Variants in CSMD2 observed in about 807,000 individuals in gnomAD.
CSMD2 encodes the protein CUB and sushi domain-containing protein 2.
Under a neutral mutation model 398.5 loss-of-function variants are expected in CSMD2, and 130 were observed. The observed-to-expected ratio is 0.33, with a 90% CI of 0.28 to 0.38. The LOEUF (loss-of-function observed/expected upper bound fraction) is 0.38, where lower values mean the gene tolerates loss of function less well. Among genes scored for constraint, CSMD2 ranks in the 10% least tolerant of loss-of-function variants. The pLI is 1.00. For missense variants in CSMD2, 3,829 were observed against 4,764.9 expected, an observed-to-expected ratio of 0.80 and a Z score of 5.78; for synonymous variants, 1,828 against 1,908.5, an observed-to-expected ratio of 0.96 and a Z score of 1.10.
At chr1:34,155,824 T>C (rs1640761181) in intron 1 of CSMD2, among the ~76,000 whole-genome samples, 1 of 152,266 alleles carries the variant, frequency 6.6e-6, no homozygotes, top group Non-Finnish European at 1.5e-5. Flanking sequence ...TTTGGACGCT[T>C]CTTTTTTAAA....
At chr1:33,678,546 C>T (rs372305384) in intron 25 of CSMD2, among the ~76,000 whole-genome samples, 54 of 152,140 alleles carry the variant, frequency 3.5e-4, no homozygotes, top group African/African-American at 1.2e-3. Context: ...TGAACAGCTG[C>T]TGCAGGGGGA....
At chr1:34,092,689 C>A (rs1349548548) in intron 1 of CSMD2, among the ~76,000 whole-genome samples, 2 of 152,196 alleles carry the variant, frequency 1.3e-5, no homozygotes, top group Admixed American at 6.5e-5. Flanking sequence ...CCGAATACTG[C>A]GCTTTTCCGA....
chr1:33,583,799 G>C lies in CSMD2; in HGVS notation c.7083C>G (p.Asp2361Glu), dbSNP rs532945313. The change falls in exon 47 of 71, where the codon GAC becomes GAG. Residue 2361 changes from aspartate to glutamate, a missense_variant. Asp to Glu is a conservative substitution (Grantham distance 45, BLOSUM62 2). Transcript: ENST00000373381. ...VHCPTNELLT[D>E]STGVILSQSY... Reference sequence around the variant, plus strand: ...TCTGGCTCAGGATCACGCCTGTGGAGTCTGTCAGAAGCTCATTTGTTGGAC... The same window carrying C: ...TCTGGCTCAGGATCACGCCTGTGGACTCTGTCAGAAGCTCATTTGTTGGAC... 82 of 1,614,174 alleles carry C rather than the reference G, an allele frequency of 5.1e-5. 1 individual carries two copies. In the South Asian group the frequency reaches 8.5e-4, roughly 17 times the overall value.
intron 4 of CSMD2, among the ~76,000 whole-genome samples, chr1:33,934,876 T>C (rs1263977030): frequency 1.4e-5 from 2 of 147,286 alleles, no homozygotes; most frequent in Non-Finnish European, 3.0e-5. Context: ...TGGTGGCACA[T>C]GCCTGCGGTC....
At chr1:34,160,550 T>A (rs1641239209) in intron 1 of CSMD2, among the ~76,000 whole-genome samples, 1 of 152,180 alleles carries the variant, frequency 6.6e-6, no homozygotes, top group African/African-American at 2.4e-5. Flanking sequence ...CCCGATTTAG[T>A]CTTATCAGTC....
intron 23 of CSMD2, among the ~76,000 whole-genome samples, chr1:33,700,010 A>ATTTTTTTTTTT (rs5773425): frequency 6.7e-6 from 1 of 148,390 alleles, no homozygotes; most frequent in Non-Finnish European, 1.5e-5. Flanking sequence ...ACTTTACTCC[A>ATTTTTTTTTTT]TTTTTTTTTT....
At chr1:34,099,335 A>G (rs6665353) in intron 1 of CSMD2, among the ~76,000 whole-genome samples, 58,825 of 152,112 alleles carry the variant, frequency 0.39, 12,151 homozygotes, top group African/African-American at 0.53. Context: ...GTAAATCAAA[A>G]TATGTCATTA....
chr1:33,916,058 A>T (rs72665705), intron 5 of CSMD2, among the ~76,000 whole-genome samples: 1,752 of 152,334 alleles, frequency 0.012, 18 homozygotes, highest in Non-Finnish European at 0.019. Flanking sequence ...TAAAGAGCTT[A>T]TAACCTGTCT....
chr1:33,762,871 TA>T (rs750420174), intron 13 of CSMD2, among the ~76,000 whole-genome samples: 10 of 152,308 alleles, frequency 6.6e-5, no homozygotes, highest in East Asian at 5.8e-4. Context: ...GGCCAGTACA[TA>T]GTACCCACTC....
Position 33,683,594 on chromosome 1 carries a change from T to C in CSMD2, c.4052+9336A>G, listed in dbSNP as rs184670915. Reference sequence around the variant, plus strand: ...AACTGGCAGTCAAGTTGATGCATTCTGGCCAATTCAACTACTCAGTGTAGC... The same window carrying C: ...AACTGGCAGTCAAGTTGATGCATTCCGGCCAATTCAACTACTCAGTGTAGC... On this transcript the variant is annotated intron_variant, in intron 25 of 70. Transcript: ENST00000373381. 4.6e-5 allele frequency among the ~76,000 whole-genome samples: 7 copies of C among 152,364 alleles called. No individual in the cohort carries two copies. In the East Asian group the frequency reaches 5.8e-4, roughly 13 times the overall value.
In CSMD2 at chr1:33,686,079, G is replaced by A. The variant is rs967221310; in HGVS notation, c.4052+6851C>T. Among the ~76,000 whole-genome samples, 19 of 152,156 alleles carry A rather than the reference G, an allele frequency of 1.2e-4. 1 individual carries two copies. Among genetic ancestry groups the A allele is most frequent in the Admixed American group, 2.6e-4 (4 of 15,282 alleles). ...AAGGAAGGTCATTCATTCTTTCTGG[G>A]CCTCGATGATCTCATCTATAAAATG... On this transcript the variant is annotated intron_variant, in intron 25 of 70. Coordinates refer to ENST00000373381, the MANE Select transcript of CSMD2 (RefSeq NM_001281956.2).
intron 5 of CSMD2, among the ~76,000 whole-genome samples, chr1:33,915,201 C>G (rs1019471913): frequency 5.8e-4 from 88 of 152,050 alleles, no homozygotes; most frequent in African/African-American, 2.1e-3. Flanking sequence ...TGTTGTTTTT[C>G]TATGCCTTGG....
intron 3 of CSMD2, among the ~76,000 whole-genome samples, chr1:34,024,040 T>C (rs1430700833): frequency 6.6e-6 from 1 of 152,208 alleles, no homozygotes; most frequent in Non-Finnish European, 1.5e-5. Context: ...TCAGGGAGGT[T>C]GGGAGACTTG....
chr1:33,917,898 C>G (rs547103148), intron 5 of CSMD2, among the ~76,000 whole-genome samples, 196 bp downstream of exon 5: 2 of 152,178 alleles, frequency 1.3e-5, no homozygotes, highest in Non-Finnish European at 2.9e-5. Context: ...ATCAAAATCA[C>G]TATAAAAATT....
chr1:33,651,755 T>C (rs1643765772), intron 28 of CSMD2, among the ~76,000 whole-genome samples: 3 of 151,562 alleles, frequency 2.0e-5, no homozygotes, highest in East Asian at 3.9e-4. Flanking sequence ...GAACCAGGAG[T>C]TCGTGGGTGG....
intron 21 of CSMD2, among the ~76,000 whole-genome samples, chr1:33,711,398 TC>T (rs1645983295): frequency 6.6e-6 from 1 of 152,250 alleles, no homozygotes; most frequent in African/African-American, 2.4e-5. Flanking sequence ...TTTAATCTCT[TC>T]ATCTGCCTTC....
At chr1:33,623,215 C>G (rs970789308) in intron 36 of CSMD2, among the ~76,000 whole-genome samples, 155 bp downstream of exon 36, 1 of 152,068 alleles carries the variant, frequency 6.6e-6, no homozygotes. Context: ...CAGGACCTTT[C>G]GAATCTCCTG....
At position 34,052,196 on chromosome 1, in the gene CSMD2, T is replaced by C. The variant is rs1024512109; in HGVS notation, c.405-19490A>G. 1.8e-4 allele frequency among the ~76,000 whole-genome samples: 25 copies of C among 135,624 alleles called. No homozygotes were observed. The East Asian group carries it at 4.7e-3, about 25-fold the overall frequency. The allele number at this position is 135,624 out of a possible 152,430, so 89.0% of individuals were successfully genotyped here. Reference sequence around the variant, plus strand: ...ACACACACACACACACACACACACATCACACATACACACAGTAGCGTTCCC... The same window carrying C: ...ACACACACACACACACACACACACACCACACATACACACAGTAGCGTTCCC... On this transcript the variant is annotated intron_variant, in intron 2 of 70. Transcript: ENST00000373381.
intron 27 of CSMD2, among the ~76,000 whole-genome samples, chr1:33,653,230 T>C (rs1477182597): frequency 1.3e-5 from 2 of 152,112 alleles, no homozygotes; most frequent in East Asian, 1.9e-4. Context: ...AAGTATTTGG[T>C]AGAGAGTGAA....
Sources: gnomAD v4.1 joint callset for allele counts (sites outside exome capture counted in the v4.1 genomes callset) on GRCh38, gnomAD v4.1.1 for gene constraint, MANE v1.5 for transcripts, NCBI Gene and HGNC (gene_info 2026-07-23, HGNC 2026-07-21) for gene names.